Variants in CWC27 observed in about 807,000 individuals in gnomAD.
The protein encoded by CWC27 is spliceosome-associated protein CWC27 homolog.
Under a neutral mutation model 63.6 loss-of-function variants are expected in CWC27, and 47 were observed. The observed-to-expected ratio is 0.74, with a 90% CI of 0.58 to 0.94. CWC27 has a LOEUF of 0.94. Ranked by LOEUF, CWC27 falls within the 40% of genes least tolerant of loss-of-function variation. The pLI is 0.00. For missense variants in CWC27, 495 were observed against 554.3 expected (o/e 0.89, Z 1.07); for synonymous variants, 175 against 179.8 (o/e 0.97, Z 0.22).
intron 7 of CWC27, among the ~76,000 whole-genome samples, chr5:64,799,029 A>C (rs73101310): frequency 6.6e-6 from 1 of 152,222 alleles, no homozygotes; most frequent in Non-Finnish European, 1.5e-5. Context: ...CCAGGCCGGT[A>C]TTCTGGGCCC....
chr5:64,901,944 C>T (rs1487079588), intron 11 of CWC27, among the ~76,000 whole-genome samples: 2 of 152,166 alleles, frequency 1.3e-5, no homozygotes, highest in Non-Finnish European at 2.9e-5. Flanking sequence ...TAACTGTCTT[C>T]CACTTCCACA....
Position 65,018,257 on chromosome 5 carries a change from C to A in CWC27, c.1355C>A (p.Pro452Gln). ...DTFEIYDPRNPVNKRRREESK... is the reference protein window; with the variant it reads ...DTFEIYDPRNQVNKRRREESK... The stretch of plus-strand genomic sequence containing the variant: ...TTTGAAATCTATGATCCTCGGAATC[C>A]AGTGAATAAAAGAAGGAGGGAAGAA... The change falls in exon 14 of 14, where the codon CCA (proline) becomes CAA (glutamine). Residue 452 changes from proline (P) to glutamine (Q), a missense_variant. Coordinates refer to ENST00000381070, the MANE Select transcript of CWC27 (RefSeq NM_005869.4). 1 of 1,605,622 alleles carries A rather than the reference C, an allele frequency of 6.2e-7. No individual in the cohort carries two copies. Among genetic ancestry groups the A allele is most frequent in the East Asian group, 2.3e-5 (1 of 44,088 alleles).
rs901031743 is a variant in CWC27 at position 65,013,677 on chromosome 5, ATAT to A, written c.1257-4477_1257-4475del. Among the ~76,000 whole-genome samples the A allele has an allele frequency of 2.6e-5, 4 of 152,298 alleles. 1 individual carries two copies. Among genetic ancestry groups the A allele is most frequent in the Admixed American group, 2.0e-4 (3 of 15,292 alleles). On this transcript the variant is annotated intron_variant, in intron 13 of 13. Transcript: ENST00000381070. ...ATGCTATAAAAGAAATGTGGAAGAAATATTATTTTTTAAGCTTTGGATCTGGGA... is the reference window on the plus strand; with the variant it reads ...ATGCTATAAAAGAAATGTGGAAGAAATATTTTTTAAGCTTTGGATCTGGGA...
At chr5:64,863,659 T>C (rs1317380037) in intron 10 of CWC27, among the ~76,000 whole-genome samples, 1 of 152,104 alleles carries the variant, frequency 6.6e-6, no homozygotes, top group African/African-American at 2.4e-5. Flanking sequence ...CATGCCTTGC[T>C]ACTTTTTAAA....
chr5:64,939,872 G>A (rs1332437144), intron 11 of CWC27, among the ~76,000 whole-genome samples: 1 of 152,178 alleles, frequency 6.6e-6, no homozygotes, highest in Non-Finnish European at 1.5e-5. Flanking sequence ...AAGCTGCACT[G>A]GGCTCCGCCC....
chr5:64,832,759 G>A (rs771799333), intron 10 of CWC27, among the ~76,000 whole-genome samples: 14 of 151,838 alleles, frequency 9.2e-5, no homozygotes, highest in South Asian at 4.1e-4. Flanking sequence ...TTGCTACACC[G>A]CTTTGACTCA....
chr5:64,955,918 G>A (rs1413577722), intron 11 of CWC27, among the ~76,000 whole-genome samples: 1 of 152,076 alleles, frequency 6.6e-6, no homozygotes, highest in Non-Finnish European at 1.5e-5. Context: ...ATCTTGGGGA[G>A]TCAGTCCCTC....
chr5:64,992,174 T>G (rs188383393), intron 13 of CWC27, among the ~76,000 whole-genome samples: 1 of 152,246 alleles, frequency 6.6e-6, no homozygotes, highest in African/African-American at 2.4e-5. Flanking sequence ...AAGAGCCTCA[T>G]AGGGCTCATA....
At chr5:64,806,671 A>G (rs545772623) in intron 10 of CWC27, among the ~76,000 whole-genome samples, 1 of 152,116 alleles carries the variant, frequency 6.6e-6, no homozygotes, top group East Asian at 1.9e-4. Context: ...TATTTTTTTC[A>G]GTTCATAAAG....
chr5:64,821,286 C>T (rs143287120), intron 10 of CWC27, among the ~76,000 whole-genome samples: 2,101 of 152,014 alleles, frequency 0.014, 56 homozygotes, highest in African/African-American at 0.048. Context: ...GGTTTCACCA[C>T]GTTGGCCAGG....
chr5:64,786,548 A>G lies in CWC27; in HGVS notation c.520A>G (p.Ile174Val). Residue 174 changes from isoleucine to valine, a missense_variant, in exon 6 of 14, where the codon ATC (isoleucine) becomes GTC (valine). By Grantham distance (29) the Ile-to-Val change is conservative (BLOSUM62 3). Transcript: ENST00000381070. ...CEVLFNPFDD[I>V]IPREIKRLKK... ...GGTTTTGTTTAATCCTTTTGATGAC[A>G]TCATTCCAAGGGAAATTAAAAGGCT... The G allele has an allele frequency of 1.3e-6, 2 of 1,576,818 alleles. No homozygotes were observed. The highest frequency in any genetic ancestry group is 4.6e-5 in the East Asian group (2 of 43,538).
chr5:64,812,349 G>T (rs865834320), intron 10 of CWC27, among the ~76,000 whole-genome samples: 3 of 152,190 alleles, frequency 2.0e-5, no homozygotes, highest in Middle Eastern at 6.8e-3. Context: ...TATAAGCAAA[G>T]AGTGAAATTA....
At chr5:64,908,372 C>G (rs7733393) in intron 11 of CWC27, among the ~76,000 whole-genome samples, 140,275 of 152,274 alleles carry the variant, frequency 0.92, 64,625 homozygotes, top group East Asian at 0.99. Context: ...TTGAATTGGG[C>G]TGAAGAGTTC....
intron 11 of CWC27, among the ~76,000 whole-genome samples, chr5:64,890,432 A>G (rs1182317119): frequency 6.6e-6 from 1 of 152,216 alleles, no homozygotes; most frequent in African/African-American, 2.4e-5. Context: ...TATAAGAAAC[A>G]AAAACCCTCT....
chr5:65,006,757 G>A (rs1309534), intron 13 of CWC27, among the ~76,000 whole-genome samples: 20,617 of 151,736 alleles, frequency 0.14, 1,837 homozygotes, highest in Admixed American at 0.28. Context: ...TATGGATTAC[G>A]CATGGTGACT....
Position 64,768,943 on chromosome 5 carries a change from T to C in CWC27, c.-204T>C, listed in dbSNP as rs1234923807. 1.7e-6 allele frequency: 1 copy of C among 583,528 alleles called. No individual in the cohort carries two copies. The highest frequency in any genetic ancestry group is 2.8e-5 in the East Asian group (1 of 35,602). The allele number at this position is 583,528 out of a possible 1,614,324, so 36.1% of individuals were successfully genotyped here. ...CTTCTCAGGGTTAGCGGTGCTCGGG[T>C]CCGGTAACAACATGGCGGCGTCCGT... On this transcript the variant is annotated 5_prime_UTR_variant, in exon 1 of 14. Transcript: ENST00000381070.
chr5:64,986,102 T>C (rs1346793240), intron 13 of CWC27, among the ~76,000 whole-genome samples: 1 of 152,052 alleles, frequency 6.6e-6, no homozygotes, highest in Non-Finnish European at 1.5e-5. Context: ...GCCACCACAA[T>C]AAAGAAGGAC....
At chr5:64,927,330 T>C (rs566332531) in intron 11 of CWC27, among the ~76,000 whole-genome samples, 2 of 152,340 alleles carry the variant, frequency 1.3e-5, no homozygotes, top group South Asian at 4.1e-4. Flanking sequence ...GTGACGTTTA[T>C]ATTGTTCATT....
chr5:64,857,058 T>A (rs1404089966), intron 10 of CWC27, among the ~76,000 whole-genome samples: 1 of 152,176 alleles, frequency 6.6e-6, no homozygotes, highest in Non-Finnish European at 1.5e-5. Flanking sequence ...CCTGAAAAGG[T>A]ACCATATTGG....
Sources: allele counts gnomAD v4.1 joint callset (sites outside exome capture counted in the v4.1 genomes callset), GRCh38; gene constraint gnomAD v4.1.1; transcripts MANE v1.5; gene names NCBI Gene and HGNC (gene_info 2026-07-23, HGNC 2026-07-21).